ABLIM2: variants seen among roughly 807,000 people sequenced by gnomAD.
ABLIM2 encodes actin-binding LIM protein 2.
Under a neutral mutation model 97.7 loss-of-function variants are expected in ABLIM2, and 53 were observed. The ratio of observed to expected loss-of-function variants is 0.54; its 90% CI spans 0.44 to 0.68. ABLIM2 has a LOEUF of 0.68. ABLIM2 is among the 30% of genes least tolerant of loss of function. The pLI, the probability that ABLIM2 is intolerant of heterozygous loss-of-function variation, is 0.00. For synonymous variants in ABLIM2, 361 were observed against 345.8 expected, an observed-to-expected ratio of 1.04 and a Z score of -0.49; for missense variants, 835 against 867.2, an observed-to-expected ratio of 0.96 and a Z score of 0.47.
chr4:8,084,202 A>G (rs920970861), intron 4 of ABLIM2, among the ~76,000 whole-genome samples: 4 of 152,232 alleles, frequency 2.6e-5, no homozygotes, highest in African/African-American at 9.6e-5. Flanking sequence ...TGGAAAAGAT[A>G]AAACACGTTC....
intron 2 of ABLIM2, among the ~76,000 whole-genome samples, chr4:8,103,190 G>A (rs180945869): frequency 3.3e-5 from 5 of 152,216 alleles, no homozygotes; most frequent in African/African-American, 1.2e-4. Context: ...TCCAGACTTC[G>A]TGTTAAGATG....
intron 6 of ABLIM2, among the ~76,000 whole-genome samples, chr4:8,076,192 C>CAGTAGAGTTGCTGG (rs1561198969): frequency 6.6e-6 from 1 of 152,216 alleles, no homozygotes; most frequent in African/African-American, 2.4e-5. Context: ...TGTGGCCACC[C>CAGTAGAGTTGCTGG]GTCTCCCCGC....
chr4:8,048,737 G>T (rs1331879276), intron 8 of ABLIM2, among the ~76,000 whole-genome samples: 1 of 152,128 alleles, frequency 6.6e-6, no homozygotes, highest in African/African-American at 2.4e-5. Context: ...CACCACTGAG[G>T]CCTCAGTCTT....
intron 14 of ABLIM2, among the ~76,000 whole-genome samples, chr4:8,011,982 A>G (rs1163042661): frequency 6.6e-6 from 1 of 151,844 alleles, no homozygotes; most frequent in Non-Finnish European, 1.5e-5. Context: ...CTTTCCATAT[A>G]CTTATTCATT....
Position 8,132,936 on chromosome 4 carries a change from C to T in ABLIM2, c.10+25744G>A, listed in dbSNP as rs1472098733. 2.0e-5 allele frequency among the ~76,000 whole-genome samples: 3 copies of T among 152,198 alleles called. No homozygotes were observed. The highest frequency in any genetic ancestry group is 2.1e-4 in the South Asian group (1 of 4,822). On this transcript the variant is annotated intron_variant, in intron 1 of 20. Coordinates refer to ENST00000447017, the MANE Select transcript of ABLIM2 (RefSeq NM_001130083.2). This position sits in a 1 kb window ranked among gnomAD's most constrained non-coding sequence, Gnocchi z 8.0. The stretch of plus-strand genomic sequence containing the variant: ...GATGGGTGTCCCGTGGCTGCTGTGA[C>T]ACAGTGCCACAGACGGCAGCTTAAC...
intron 16 of ABLIM2, 137 bp downstream of exon 16, chr4:8,007,922 T>C: frequency 6.7e-7 from 1 of 1,482,782 alleles, no homozygotes; most frequent in Non-Finnish European, 8.9e-7. Context: ...CGGTCGGTCC[T>C]TAGATTTGTG....
chr4:8,151,309 C>T (rs991450737), intron 1 of ABLIM2, among the ~76,000 whole-genome samples: 8 of 152,182 alleles, frequency 5.3e-5, no homozygotes, highest in Admixed American at 1.3e-4. Flanking sequence ...CTGGAAGCTG[C>T]TGATGGCGAG....
intron 16 of ABLIM2, among the ~76,000 whole-genome samples, chr4:7,995,305 A>T (rs1752480341): frequency 6.6e-6 from 1 of 152,138 alleles, no homozygotes; most frequent in Non-Finnish European, 1.5e-5. Flanking sequence ...GGTGGCGGAG[A>T]TCGGCCAGGT....
chr4:8,079,336 G>A (rs1818263804), intron 5 of ABLIM2, among the ~76,000 whole-genome samples: 1 of 152,238 alleles, frequency 6.6e-6, no homozygotes, highest in South Asian at 2.1e-4. Flanking sequence ...GACAGCTCTG[G>A]AGGCTGCTAA....
intron 16 of ABLIM2, chr4:8,007,150 G>C (rs529668737): frequency 1.0e-6 from 1 of 985,376 alleles, no homozygotes; most frequent in Non-Finnish European, 1.2e-6. Flanking sequence ...CAGTTTGCAG[G>C]CATGAGGATG....
At chr4:8,119,173 C>T (rs1249351152) in intron 1 of ABLIM2, among the ~76,000 whole-genome samples, 1 of 152,038 alleles carries the variant, frequency 6.6e-6, no homozygotes, top group African/African-American at 2.4e-5. Context: ...TGGTCTCAAA[C>T]GTGTCTCAGG....
intron 16 of ABLIM2, among the ~76,000 whole-genome samples, chr4:8,006,221 G>C (rs540695242): frequency 6.6e-6 from 1 of 152,346 alleles, no homozygotes; most frequent in South Asian, 2.1e-4. Context: ...AGAGTATCAG[G>C]GGCACGGGGG....
chr4:8,144,859 C>T (rs1167296214), intron 1 of ABLIM2, among the ~76,000 whole-genome samples: 1 of 152,216 alleles, frequency 6.6e-6, no homozygotes, highest in Admixed American at 6.5e-5. Flanking sequence ...GCACCATCCG[C>T]AAAAGGGATG....
rs1241623780 is a variant in ABLIM2 at position 8,123,920 on chromosome 4, T to C, written c.11-17283A>G. On this transcript the variant is annotated intron_variant, in intron 1 of 20. Transcript: ENST00000447017. The surrounding 1 kb of genome is among the most constrained non-coding windows in gnomAD (Gnocchi z 6.2). ...CTTTGGGTTCAATGACAAAAATAAC[T>C]TCATTTTGATGACCTAAGGAATGCT... Among the ~76,000 whole-genome samples the C allele has an allele frequency of 6.6e-6, 1 of 152,134 alleles. No individual in the cohort carries two copies. The highest frequency in any genetic ancestry group is 1.5e-5 in the Non-Finnish European group (1 of 68,030).
rs1269732696 is a variant in ABLIM2 at position 8,008,036 on chromosome 4, C to G, written c.1618+23G>C. ...GAGGCATTTTGTGCACATCACGGCT[C>G]CTTCTTCAAAAGAACCACTCACGTG... On this transcript the variant is annotated intron_variant, in intron 16 of 20. Transcript: ENST00000447017. The G allele has an allele frequency of 1.9e-6, 3 of 1,613,018 alleles. No homozygotes were observed. The East Asian group carries it at 6.7e-5, about 36-fold the overall frequency.
intron 14 of ABLIM2, among the ~76,000 whole-genome samples, chr4:8,017,113 T>TA (rs1769904539): frequency 6.6e-6 from 1 of 152,130 alleles, no homozygotes; most frequent in Admixed American, 6.5e-5. Flanking sequence ...CCTGACCTGT[T>TA]AAACTTCCTC....
chr4:8,066,184 T>C (rs946368819), intron 6 of ABLIM2, among the ~76,000 whole-genome samples: 35 of 150,120 alleles, frequency 2.3e-4, no homozygotes, highest in East Asian at 3.9e-4. Flanking sequence ...CAGGTGTCTG[T>C]AGTCCCAGCT....
chr4:8,078,640 G>A (rs1439642035), intron 5 of ABLIM2, among the ~76,000 whole-genome samples: 1 of 152,238 alleles, frequency 6.6e-6, no homozygotes, highest in Non-Finnish European at 1.5e-5. Context: ...CTGCTGAGCC[G>A]TGGTTGAGTG....
At chr4:8,007,592 A>G (rs1762260308) in intron 16 of ABLIM2, 4 of 988,596 alleles carry the variant, frequency 4.0e-6, no homozygotes, top group East Asian at 1.1e-4. Context: ...AGACACCATC[A>G]CTGTCTCTCT....
Sources: allele counts gnomAD v4.1 joint callset (sites outside exome capture counted in the v4.1 genomes callset), GRCh38; gene constraint gnomAD v4.1.1; non-coding constraint Gnocchi (gnomAD v3.1); transcripts MANE v1.5; gene names NCBI Gene and HGNC (gene_info 2026-07-23, HGNC 2026-07-21).